The following YWHAZ variants were observed in gnomAD, a reference collection of about 807,000 sequenced individuals.
YWHAZ encodes 14-3-3 protein zeta/delta.
For synonymous variants in YWHAZ, 87 were observed against 103.6 expected, an observed-to-expected ratio of 0.84 and a Z score of 0.97; for missense variants, 79 against 284.8, an observed-to-expected ratio of 0.28 and a Z score of 5.20.
chr8:100,952,080 A>C, upstream of YWHAZ: 1 of 987,104 alleles, frequency 1.0e-6, no homozygotes, highest in Non-Finnish European at 1.2e-6. Context: ...TCCTCCAATC[A>C]CCAGCCCCGG....
intron 2 of YWHAZ, among the ~76,000 whole-genome samples, chr8:100,935,714 G>C (rs775118219): frequency 6.6e-6 from 1 of 152,186 alleles, no homozygotes; most frequent in African/African-American, 2.4e-5. Context: ...GCAAGGCAGA[G>C]TAAACTTGTT....
intron 2 of YWHAZ, among the ~76,000 whole-genome samples, chr8:100,947,057 T>A (rs548330214): frequency 2.0e-5 from 3 of 151,550 alleles, no homozygotes; most frequent in South Asian, 4.2e-4. Context: ...ATCGAGACCA[T>A]CCTGGCTAAC....
intron 2 of YWHAZ, among the ~76,000 whole-genome samples, chr8:100,927,477 T>A (rs956157303): frequency 8.5e-5 from 13 of 152,174 alleles, no homozygotes; most frequent in African/African-American, 2.9e-4. Flanking sequence ...TGATCTGTAA[T>A]TGAATTATAC....
chr8:100,940,649 G>A (rs926482482), intron 2 of YWHAZ, among the ~76,000 whole-genome samples: 1 of 152,154 alleles, frequency 6.6e-6, no homozygotes, highest in Admixed American at 6.5e-5. Context: ...TATCACAGAG[G>A]TACAAAAGGT....
upstream of YWHAZ, chr8:100,952,815 C>T: frequency 2.0e-6 from 2 of 1,000,426 alleles, no homozygotes; most frequent in Middle Eastern, 5.2e-4. Flanking sequence ...GGCGCGCGGC[C>T]CCTCCCGGCC....
At chr8:100,952,154 A>G (rs1304480767), upstream of YWHAZ, 1 of 985,308 alleles carries the variant, frequency 1.0e-6, no homozygotes, top group African/African-American at 1.7e-5. Flanking sequence ...ATTGGTGCCC[A>G]CAGCGATCGG....
chr8:100,943,927 C>T (rs955423902), intron 2 of YWHAZ, among the ~76,000 whole-genome samples: 1 of 143,748 alleles, frequency 7.0e-6, no homozygotes, highest in Non-Finnish European at 1.5e-5. Context: ...GCAGAGCTTG[C>T]AGTGAGCCGA....
At chr8:100,952,872 C>G (rs1399233198), upstream of YWHAZ, 1 of 1,000,370 alleles carries the variant, frequency 1.0e-6, no homozygotes, top group Non-Finnish European at 1.2e-6. Context: ...GGGAAGCGGT[C>G]CTAGACCTTT....
At chr8:100,950,285 TTC>T in intron 1 of YWHAZ, 1 of 788,700 alleles carries the variant, frequency 1.3e-6, no homozygotes, top group East Asian at 1.3e-4. Flanking sequence ...GTACAAAGGA[TTC>T]TCTCCCCAAT....
chr8:100,951,544 C>T (rs1810783094), intron 1 of YWHAZ: 1 of 985,472 alleles, frequency 1.0e-6, no homozygotes, highest in Non-Finnish European at 1.2e-6. Context: ...GGTGGAAGCC[C>T]GCAGAGACAA....
At chr8:100,929,669 A>G (rs1813625448) in intron 2 of YWHAZ, among the ~76,000 whole-genome samples, 1 of 150,668 alleles carries the variant, frequency 6.6e-6, no homozygotes, top group Non-Finnish European at 1.5e-5. Flanking sequence ...ATTCTAAGGG[A>G]AGTCAGAGTT....
At chr8:100,946,500 G>A (rs1032994917) in intron 2 of YWHAZ, among the ~76,000 whole-genome samples, 1 of 152,130 alleles carries the variant, frequency 6.6e-6, no homozygotes, top group Non-Finnish European at 1.5e-5. Context: ...GCAGTGAGCT[G>A]AGATGGTGCC....
intron 1 of YWHAZ, chr8:100,951,362 C>G (rs917691060): frequency 1.0e-6 from 1 of 984,366 alleles, no homozygotes; most frequent in Non-Finnish European, 1.2e-6. Context: ...TGGGGGAGGG[C>G]CGGGTCCCGC....
At chr8:100,928,494 G>T (rs1713622829) in intron 2 of YWHAZ, among the ~76,000 whole-genome samples, 1 of 152,206 alleles carries the variant, frequency 6.6e-6, no homozygotes, top group Admixed American at 6.5e-5. Context: ...CACTTTGGGA[G>T]GCTGAGGCGG....
chr8:100,947,452 T>C (rs1354465835), intron 2 of YWHAZ, among the ~76,000 whole-genome samples: 2 of 152,142 alleles, frequency 1.3e-5, no homozygotes, highest in African/African-American at 4.8e-5. Context: ...CTCATTGAGT[T>C]TGTGGCTGTG....
intron 1 of YWHAZ, among the ~76,000 whole-genome samples, chr8:100,950,082 T>G (rs921210733): frequency 6.6e-6 from 1 of 152,188 alleles, no homozygotes; most frequent in African/African-American, 2.4e-5. Context: ...TTTAACCAAA[T>G]GAGAGAACAG....
intron 2 of YWHAZ, among the ~76,000 whole-genome samples, chr8:100,941,398 T>G (rs933084927): frequency 6.6e-6 from 1 of 152,186 alleles, no homozygotes; most frequent in Non-Finnish European, 1.5e-5. Flanking sequence ...TGAGAAACAT[T>G]CCGCATACCA....
At chr8:100,945,633 A>G (rs762227345) in intron 2 of YWHAZ, among the ~76,000 whole-genome samples, 9 of 152,190 alleles carry the variant, frequency 5.9e-5, no homozygotes, top group Non-Finnish European at 1.2e-4. Flanking sequence ...TAATGATTCA[A>G]TAACTTTTTC....
intron 2 of YWHAZ, among the ~76,000 whole-genome samples, chr8:100,945,059 T>C (rs915100200): frequency 1.3e-5 from 2 of 152,074 alleles, no homozygotes; most frequent in African/African-American, 4.8e-5. Context: ...TAGTGTTGAG[T>C]CCCTCCCCAA....
Sources: allele counts gnomAD v4.1 joint callset (sites outside exome capture counted in the v4.1 genomes callset), GRCh38; gene constraint gnomAD v4.1.1; transcripts MANE v1.5; gene names NCBI Gene and HGNC (gene_info 2026-07-23, HGNC 2026-07-21).